RALYL: variants seen among roughly 807,000 people sequenced by gnomAD.
The protein encoded by RALYL is RNA-binding Raly-like protein.
Under a neutral mutation model 35.1 loss-of-function variants are expected in RALYL, and 29 were observed. That is an observed-to-expected ratio of 0.83 (90% CI 0.61 to 1.13). RALYL has a LOEUF of 1.13. RALYL is among the 50% of genes most tolerant of loss of function. The pLI is 0.00. For synonymous variants in RALYL, 120 were observed against 127.6 expected (o/e 0.94, Z 0.40); for missense variants, 359 against 360.4 (o/e 1.00, Z 0.03).
chr8:84,517,028 T>C (rs2058118672), intron 1 of RALYL, among the ~76,000 whole-genome samples: 2 of 152,196 alleles, frequency 1.3e-5, no homozygotes. Flanking sequence ...CCCTACAGAC[T>C]GTCTCATTAT....
At chr8:84,325,369 G>A (rs1845615338) in intron 1 of RALYL, among the ~76,000 whole-genome samples, 1 of 152,168 alleles carries the variant, frequency 6.6e-6, no homozygotes, top group South Asian at 2.1e-4. Flanking sequence ...CCTCTGCTAT[G>A]ACTGTAAAAT....
chr8:84,650,429 C>A (rs1411606902), intron 2 of RALYL, among the ~76,000 whole-genome samples: 1 of 152,098 alleles, frequency 6.6e-6, no homozygotes, highest in South Asian at 2.1e-4. Flanking sequence ...AAAGACACTT[C>A]TCAAAAGAAG....
At position 84,251,203 on chromosome 8, in the gene RALYL, A is replaced by G. The variant is rs574465150; in HGVS notation, c.-24+66779A>G. Among the ~76,000 whole-genome samples, 9 of 152,254 alleles carry G rather than the reference A, an allele frequency of 5.9e-5. No homozygotes were observed. The East Asian group carries it at 1.7e-3, about 29-fold the overall frequency. On this transcript the variant is annotated intron_variant, in intron 1 of 8. Coordinates refer to ENST00000521268, the MANE Select transcript of RALYL (RefSeq NM_173848.7). ...ATAATTAAGAAAACCGAAGCAGATA[A>G]CATATTAAATGATGGCTTTTGCAGC...
chr8:84,502,900 A>C (rs1387431853), intron 1 of RALYL, among the ~76,000 whole-genome samples: 1 of 145,446 alleles, frequency 6.9e-6, no homozygotes, highest in African/African-American at 2.5e-5. Flanking sequence ...GCTTCAATCA[A>C]AGACCCACTC....
At chr8:84,733,456 C>A (rs1427401047) in intron 2 of RALYL, among the ~76,000 whole-genome samples, 5 of 152,092 alleles carry the variant, frequency 3.3e-5, no homozygotes, top group Non-Finnish European at 7.4e-5. Flanking sequence ...GAGAGTTGGT[C>A]ACCACAATGC....
Position 84,350,668 on chromosome 8 carries a change from G to T in RALYL, c.-24+166244G>T, listed in dbSNP as rs1311745264. 2.7e-5 allele frequency among the ~76,000 whole-genome samples: 4 copies of T among 150,294 alleles called. No homozygotes were observed. The South Asian group carries it at 8.4e-4, about 31-fold the overall frequency. The stretch of plus-strand genomic sequence containing the variant: ...GCTACACCATTTACAGTGACAAGAG[G>T]CCCCTTCTCATTATTATTGGGACAA... On this transcript the variant is annotated intron_variant, in intron 1 of 8. Transcript: ENST00000521268.
chr8:84,475,468 T>C (rs1450703049), intron 1 of RALYL, among the ~76,000 whole-genome samples: 2 of 152,194 alleles, frequency 1.3e-5, no homozygotes, highest in Admixed American at 1.3e-4. Flanking sequence ...CATTTAAAAA[T>C]ATATAAAACA....
chr8:84,898,158 A>T (rs1845068918), intron 8 of RALYL, among the ~76,000 whole-genome samples: 1 of 152,218 alleles, frequency 6.6e-6, no homozygotes, highest in African/African-American at 2.4e-5. Flanking sequence ...AACCAGCAGC[A>T]TCATATCATG....
At chr8:84,832,001 G>A (rs1268798773) in intron 4 of RALYL, among the ~76,000 whole-genome samples, 2 of 152,130 alleles carry the variant, frequency 1.3e-5, no homozygotes, top group African/African-American at 2.4e-5. Flanking sequence ...TCAAGTGCAT[G>A]TGCCTAGAGG....
intron 2 of RALYL, among the ~76,000 whole-genome samples, chr8:84,730,793 A>G (rs540059734): frequency 5.9e-5 from 9 of 152,266 alleles, no homozygotes; most frequent in Admixed American, 2.0e-4. Context: ...GAAAGCCACA[A>G]GACTAGAAGC....
At position 84,673,894 on chromosome 8, in the gene RALYL, G is replaced by T. The variant is rs148551597; in HGVS notation, c.257-100685G>T. Among the ~76,000 whole-genome samples, 909 of 152,284 alleles carry T rather than the reference G, an allele frequency of 6.0e-3. 7 individuals are homozygous for T. The highest frequency in any genetic ancestry group is 0.021 in the African/African-American group (853 of 41,568). ...TTAGTTTCATATGGATTTTAAAATAGTTTTTTCTAATTCTGTGAAGAATGG... is the reference window on the plus strand; with the variant it reads ...TTAGTTTCATATGGATTTTAAAATATTTTTTTCTAATTCTGTGAAGAATGG... On this transcript the variant is annotated intron_variant, in intron 2 of 8. Transcript: ENST00000521268.
At chr8:84,376,311 A>C (rs1856903783) in intron 1 of RALYL, among the ~76,000 whole-genome samples, 1 of 151,894 alleles carries the variant, frequency 6.6e-6, no homozygotes, top group Non-Finnish European at 1.5e-5. Context: ...AGCAGATAAT[A>C]CTAAGGATTT....
chr8:84,401,365 C>T (rs1310880087), intron 1 of RALYL, among the ~76,000 whole-genome samples: 7 of 152,062 alleles, frequency 4.6e-5, no homozygotes, highest in Admixed American at 4.6e-4. Context: ...AGGCCAGGCG[C>T]GATGGCTCAC....
chr8:84,863,724 T>A (rs1209605622), intron 6 of RALYL, among the ~76,000 whole-genome samples: 1 of 152,214 alleles, frequency 6.6e-6, no homozygotes, highest in East Asian at 1.9e-4. Context: ...AGGAAGGTAC[T>A]GATGCTTCTG....
intron 1 of RALYL, among the ~76,000 whole-genome samples, chr8:84,245,891 A>G (rs1828983937): frequency 6.6e-6 from 1 of 152,154 alleles, no homozygotes; most frequent in Non-Finnish European, 1.5e-5. Context: ...ATTAAAGCAC[A>G]GCCTGGGAGG....
chr8:84,302,149 A>C (rs568636996), intron 1 of RALYL, among the ~76,000 whole-genome samples: 1 of 152,288 alleles, frequency 6.6e-6, no homozygotes, highest in South Asian at 2.1e-4. Flanking sequence ...ATGTGGAGTC[A>C]CTTACCCCAT....
intron 4 of RALYL, among the ~76,000 whole-genome samples, chr8:84,844,915 C>T (rs1380506817): frequency 4.0e-5 from 6 of 151,394 alleles, no homozygotes; most frequent in Non-Finnish European, 8.8e-5. Context: ...GGGAATTGAA[C>T]GATGAGAACA....
chr8:84,258,960 A>G lies in RALYL; in HGVS notation c.-24+74536A>G, dbSNP rs73304837. The stretch of plus-strand genomic sequence containing the variant: ...GTTTTAGGACTTACCATATTGAAAG[A>G]CATTAATTTATTGATACTTGCGTCT... On this transcript the variant is annotated intron_variant, in intron 1 of 8. Transcript: ENST00000521268. 2.4e-3 allele frequency among the ~76,000 whole-genome samples: 362 copies of G among 152,242 alleles called. 1 individual carries two copies. Among genetic ancestry groups the G allele is most frequent in the African/African-American group, 7.9e-3 (330 of 41,566 alleles).
At chr8:84,475,227 A>G (rs563132835) in intron 1 of RALYL, among the ~76,000 whole-genome samples, 1 of 152,164 alleles carries the variant, frequency 6.6e-6, no homozygotes, top group South Asian at 2.1e-4. Context: ...ATGTCCCTGC[A>G]AAGGAACAGG....
Sources: gnomAD v4.1 joint callset for allele counts (sites outside exome capture counted in the v4.1 genomes callset) on GRCh38, gnomAD v4.1.1 for gene constraint, MANE v1.5 for transcripts, NCBI Gene and HGNC (gene_info 2026-07-23, HGNC 2026-07-21) for gene names.